The following MAP3K13 variants were observed in gnomAD, a reference collection of about 807,000 sequenced individuals.
MAP3K13 encodes the protein leucine zipper-bearing kinase.
MAP3K13 carries 52 observed loss-of-function variants against 104.0 expected under a neutral mutation model. The observed-to-expected ratio is 0.50, with a 90% CI of 0.40 to 0.63. The LOEUF is 0.63. Among genes scored for constraint, MAP3K13 ranks in the 20% least tolerant of loss-of-function variants. The probability of loss-of-function intolerance (pLI) is 0.00; values close to 1 mark genes in which losing one functional copy is unlikely to be tolerated. For missense variants in MAP3K13, 914 were observed against 1,218.5 expected (o/e 0.75, Z 3.72); for synonymous variants, 394 against 442.2 (o/e 0.89, Z 1.37).
At chr3:185,306,803 A>G (rs759692380) in intron 2 of MAP3K13, among the ~76,000 whole-genome samples, 18 of 151,988 alleles carry the variant, frequency 1.2e-4, no homozygotes, top group Non-Finnish European at 2.5e-4. Flanking sequence ...CCACTTGTCA[A>G]TTTTTGTTTT....
At chr3:185,326,938 A>G (rs1416471888) in intron 2 of MAP3K13, among the ~76,000 whole-genome samples, 1 of 152,170 alleles carries the variant, frequency 6.6e-6, no homozygotes, top group Admixed American at 6.5e-5. Flanking sequence ...TGAGTATTAT[A>G]TTTTAAAGGA....
intron 1 of MAP3K13, among the ~76,000 whole-genome samples, chr3:185,375,593 T>C (rs1724385855): frequency 6.6e-6 from 1 of 152,116 alleles, no homozygotes. Flanking sequence ...GGTGGAAGTT[T>C]CAGCGAGGGA....
intron 2 of MAP3K13, among the ~76,000 whole-genome samples, chr3:185,309,593 C>A (rs192296277): frequency 6.6e-6 from 1 of 151,890 alleles, no homozygotes; most frequent in African/African-American, 2.4e-5. Context: ...CACTCTTTAG[C>A]GATACATAAT....
At chr3:185,311,818 T>A (rs1055143283) in intron 2 of MAP3K13, among the ~76,000 whole-genome samples, 6 of 152,160 alleles carry the variant, frequency 3.9e-5, no homozygotes, top group Admixed American at 6.5e-5. Context: ...GTTCATTGCA[T>A]TACTGTTTTA....
intron 2 of MAP3K13, among the ~76,000 whole-genome samples, chr3:185,342,649 A>G (rs778164710): frequency 2.0e-5 from 3 of 152,206 alleles, no homozygotes; most frequent in Non-Finnish European, 2.9e-5. Context: ...GTATGCCATT[A>G]TAATCTTTAT....
chr3:185,457,078 T>C (rs1478901740), intron 7 of MAP3K13, among the ~76,000 whole-genome samples: 1 of 152,142 alleles, frequency 6.6e-6, no homozygotes, highest in East Asian at 1.9e-4. Context: ...CTGAAGCCAG[T>C]CACACATTTT....
At chr3:185,342,699 A>G (rs1010435745) in intron 2 of MAP3K13, among the ~76,000 whole-genome samples, 2 of 152,146 alleles carry the variant, frequency 1.3e-5, no homozygotes, top group Non-Finnish European at 2.9e-5. Flanking sequence ...ATGTAAAGCA[A>G]GTTGTCTCTA....
chr3:185,294,752 A>C (rs1374603137), intron 2 of MAP3K13, among the ~76,000 whole-genome samples: 3 of 152,200 alleles, frequency 2.0e-5, no homozygotes. Context: ...CTACCTCTCC[A>C]TGTAGGAAGT....
intron 2 of MAP3K13, among the ~76,000 whole-genome samples, chr3:185,355,766 A>T (rs985399648): frequency 2.6e-5 from 4 of 152,238 alleles, no homozygotes; most frequent in African/African-American, 9.6e-5. Flanking sequence ...AGAAAAAAAA[A>T]TTAAGAGATT....
intron 2 of MAP3K13, among the ~76,000 whole-genome samples, chr3:185,317,809 G>A (rs189257512): frequency 1.3e-4 from 20 of 152,214 alleles, no homozygotes; most frequent in Admixed American, 1.3e-3. Context: ...TTCATCTGTG[G>A]TGTAACATTC....
chr3:185,445,880 A>AT (rs887640141), intron 4 of MAP3K13, among the ~76,000 whole-genome samples: 1 of 152,202 alleles, frequency 6.6e-6, no homozygotes, highest in Non-Finnish European at 1.5e-5. Flanking sequence ...GGAAGTTCCC[A>AT]TAAAAAGTTC....
At position 185,377,785 on chromosome 3, in the gene MAP3K13, G is replaced by A. The variant is rs187600366; in HGVS notation, c.-86+14417G>A. On this transcript the variant is annotated intron_variant, in intron 1 of 13. Coordinates refer to ENST00000265026, the MANE Select transcript of MAP3K13 (RefSeq NM_004721.5). ...TGATGGTCCAGGAGGCTTCCGAGGC[G>A]ATCGGGCAGTGTCAGTCTTCAGCCG... Among the ~76,000 whole-genome samples, 35 of 152,340 alleles carry A rather than the reference G, an allele frequency of 2.3e-4. No homozygotes were observed. In the East Asian group the frequency reaches 3.9e-3, roughly 17 times the overall value.
At chr3:185,326,764 T>C (rs1478294830) in intron 2 of MAP3K13, among the ~76,000 whole-genome samples, 2 of 152,104 alleles carry the variant, frequency 1.3e-5, no homozygotes, top group East Asian at 1.9e-4. Context: ...ATGTAGCTCA[T>C]GGGCCAAAGA....
intron 11 of MAP3K13, chr3:185,476,352 A>AT (rs3836292): frequency 3.9e-4 from 39 of 100,022 alleles, no homozygotes; most frequent in African/African-American, 1.1e-3. Flanking sequence ...TGTCTTTCCT[A>AT]TTTTAAAAAA....
In MAP3K13 at chr3:185,411,460, G is replaced by A. The variant is rs12638758; in HGVS notation, c.-85-17037G>A. Among the ~76,000 whole-genome samples the A allele has an allele frequency of 3.0e-3, 458 of 152,216 alleles. 22 individuals carry two copies. In the East Asian group the frequency reaches 0.08, roughly 27 times the overall value. ...TACTGACTTCTCAGGTAGATTTGCT[G>A]GACATACCACCTACTCAGGGAAATT... On this transcript the variant is annotated intron_variant, in intron 1 of 13. Coordinates refer to ENST00000265026, the MANE Select transcript of MAP3K13 (RefSeq NM_004721.5).
At chr3:185,294,707 C>T (rs1310235423) in intron 2 of MAP3K13, among the ~76,000 whole-genome samples, 5 of 152,146 alleles carry the variant, frequency 3.3e-5, no homozygotes, top group Non-Finnish European at 7.4e-5. Flanking sequence ...TTCCTTCTTC[C>T]TCCACTCCTT....
chr3:185,336,419 A>G (rs1043811426), intron 2 of MAP3K13, among the ~76,000 whole-genome samples: 10 of 151,550 alleles, frequency 6.6e-5, no homozygotes, highest in African/African-American at 2.4e-4. Context: ...GCACATGCCT[A>G]TAGTTGCAGC....
chr3:185,477,506 A>G, intron 12 of MAP3K13, 110 bp downstream of exon 12: 1 of 793,320 alleles, frequency 1.3e-6, no homozygotes, highest in Non-Finnish European at 2.1e-6. Flanking sequence ...GCCACCTTAT[A>G]GGGAACTTTG....
chr3:185,331,848 T>C (rs1198969880), intron 2 of MAP3K13, among the ~76,000 whole-genome samples: 1 of 152,250 alleles, frequency 6.6e-6, no homozygotes, highest in East Asian at 1.9e-4. Context: ...TATAAAAGTA[T>C]AAATAGATTC....
Sources: gnomAD v4.1 joint callset for allele counts (sites outside exome capture counted in the v4.1 genomes callset) on GRCh38, gnomAD v4.1.1 for gene constraint, MANE v1.5 for transcripts, NCBI Gene and HGNC (gene_info 2026-07-23, HGNC 2026-07-21) for gene names.